The following TENM2 variants were observed in gnomAD, a reference collection of about 807,000 sequenced individuals.
The protein encoded by TENM2 is teneurin-2.
In TENM2, 52 loss-of-function variants were observed where a neutral mutation model predicts 245.2. The observed-to-expected ratio is 0.21, with a 90% CI of 0.17 to 0.27. TENM2 has a LOEUF of 0.27. Among genes scored for constraint, TENM2 ranks in the 10% least tolerant of loss-of-function variants. TENM2 has a pLI of 1.00. For missense variants in TENM2, 3,046 were observed against 3,666.8 expected, an observed-to-expected ratio of 0.83 and a Z score of 4.37; for synonymous variants, 1,363 against 1,438.9, an observed-to-expected ratio of 0.95 and a Z score of 1.19.
At chr5:167,287,608 G>C (rs997073891) in intron 1 of TENM2, 1 of 152,206 alleles carries the variant, frequency 6.6e-6, no homozygotes, top group Admixed American at 6.5e-5. Flanking sequence ...AGTTACCCCA[G>C]CTGGCCCATT....
chr5:167,755,197 G>C, intron 2 of TENM2: 1 of 1,596,226 alleles, frequency 6.3e-7, no homozygotes, highest in African/African-American at 1.3e-5. Flanking sequence ...CTCTGGGTAA[G>C]GATGATGGAT....
At chr5:168,250,104 GTGGATGGATGGATGGA>G (rs57452450) in intron 27 of TENM2, among the ~76,000 whole-genome samples, 23,036 of 137,734 alleles carry the variant, frequency 0.17, 2,900 homozygotes, top group African/African-American at 0.36. Context: ...GGCTGGATGA[GTGGATGGATGGATGGA>G]TGGATGGATG....
Position 168,247,817 on chromosome 5 carries a change from C to T in TENM2, c.6878C>T (p.Ala2293Val). 1 of 1,613,988 alleles carries T rather than the reference C, an allele frequency of 6.2e-7. No homozygotes were observed. Among genetic ancestry groups the T allele is most frequent in the South Asian group, 1.1e-5 (1 of 91,082 alleles). ...CTCCTAACAAGAGCCTACAACAAGG[C>T]CAGCGGGTGGAGTGTCCAGTACCGC... The change falls in exon 27 of 29, where the codon GCC becomes GTC. Residue 2293 changes from alanine (A) to valine (V), a missense_variant. This residue lies in a region of TENM2 where 2,704 missense variants were observed against 3,331.9 expected (regional missense o/e 0.81). Coordinates refer to ENST00000518659, the Ensembl canonical transcript of TENM2. This position sits in a 1 kb window ranked among gnomAD's most constrained non-coding sequence, Gnocchi z 7.8.
chr5:167,311,999 A>C (rs1213124318), intron 1 of TENM2, among the ~76,000 whole-genome samples: 1 of 152,200 alleles, frequency 6.6e-6, no homozygotes, highest in Admixed American at 6.5e-5. Context: ...ACTATCCCTT[A>C]AACCTCAATT....
intron 7 of TENM2, among the ~76,000 whole-genome samples, chr5:168,065,208 T>C (rs954109525): frequency 6.6e-6 from 1 of 152,178 alleles, no homozygotes; most frequent in African/African-American, 2.4e-5. Context: ...TACCATGCTC[T>C]GACCAAGAGC....
At chr5:167,537,776 A>G (rs1771944391) in intron 2 of TENM2, among the ~76,000 whole-genome samples, 1 of 152,228 alleles carries the variant, frequency 6.6e-6, no homozygotes, top group Non-Finnish European at 1.5e-5. Context: ...CGTGGGTATC[A>G]TTAGCTTGAA....
At position 168,094,983 on chromosome 5, in the gene TENM2, C is replaced by T. The variant is rs143394950; in HGVS notation, c.1712-3043C>T. Among the ~76,000 whole-genome samples the T allele has an allele frequency of 7.8e-3, 1,180 of 151,596 alleles. 20 individuals are homozygous for T. The highest frequency in any genetic ancestry group is 0.027 in the African/African-American group (1,123 of 41,340). On this transcript the variant is annotated intron_variant, in intron 8 of 28. Coordinates refer to ENST00000518659, the Ensembl canonical transcript of TENM2. ...TTGTATGCTCCTTGTGAGAATCTAA[C>T]GCCTGATGATCTGTCACTGTCTCCC...
At chr5:167,388,937 C>A (rs982611926) in intron 2 of TENM2, among the ~76,000 whole-genome samples, 1 of 151,838 alleles carries the variant, frequency 6.6e-6, no homozygotes, top group Non-Finnish European at 1.5e-5. Context: ...CTCATTCTCC[C>A]TTATGTTATC....
intron 2 of TENM2, among the ~76,000 whole-genome samples, chr5:167,826,348 A>G (rs1412307527): frequency 6.6e-6 from 1 of 152,164 alleles, no homozygotes; most frequent in African/African-American, 2.4e-5. Context: ...TTGGCCAGAA[A>G]TTCAAATGGA....
the TENM2 span, among the ~76,000 whole-genome samples, chr5:167,131,808 T>C: frequency 6.6e-6 from 1 of 151,964 alleles, no homozygotes; most frequent in Non-Finnish European, 1.5e-5. Context: ...GTGTTTTTTA[T>C]TTGTTTGTTT....
intron 2 of TENM2, among the ~76,000 whole-genome samples, chr5:167,476,192 C>T (rs1002993145): frequency 2.6e-5 from 4 of 152,046 alleles, no homozygotes; most frequent in South Asian, 2.1e-4. Flanking sequence ...TATTCTTATT[C>T]GGTCTTACAA....
At chr5:168,146,487 C>T (rs1223282816) in intron 12 of TENM2, among the ~76,000 whole-genome samples, 1 of 152,178 alleles carries the variant, frequency 6.6e-6, no homozygotes, top group African/African-American at 2.4e-5. Flanking sequence ...CTTTATCGCC[C>T]CTGCCTGCTG....
rs1332802584 is a variant in TENM2 at position 167,869,595 on chromosome 5, G to A, written c.503-6391G>A. 1.3e-4 allele frequency among the ~76,000 whole-genome samples: 20 copies of A among 152,356 alleles called. No homozygotes were observed. In the South Asian group the frequency reaches 3.1e-3, roughly 24 times the overall value. On this transcript the variant is annotated intron_variant, in intron 2 of 28. Transcript: ENST00000518659. ...CCACTTTTCCAGTGGTGGTGAATGCGATGAGATGGAGACAGAGAGTCTAGC... is the reference window on the plus strand; with the variant it reads ...CCACTTTTCCAGTGGTGGTGAATGCAATGAGATGGAGACAGAGAGTCTAGC...
chr5:167,663,178 G>GAGAGAGAGAA (rs1344815193), intron 2 of TENM2, among the ~76,000 whole-genome samples: 70 of 139,146 alleles, frequency 5.0e-4, no homozygotes, highest in African/African-American at 2.0e-3. Context: ...GAGAGAGAGA[G>GAGAGAGAGAA]AGAGAGAGAA....
the TENM2 span, among the ~76,000 whole-genome samples, chr5:167,158,219 A>G: frequency 6.6e-6 from 1 of 152,204 alleles, no homozygotes; most frequent in Admixed American, 6.5e-5. Context: ...ACTGAATAAA[A>G]CAAATGTGCA....
intron 2 of TENM2, among the ~76,000 whole-genome samples, chr5:167,746,708 A>AGAGAGAGAGAGAGAGAGC: frequency 6.7e-6 from 1 of 149,912 alleles, no homozygotes; most frequent in African/African-American, 2.5e-5. Flanking sequence ...AGAGAGAGAG[A>AGAGAGAGAGAGAGAGAGC]GAGAGAGCTG....
chr5:167,041,412 C>T, the TENM2 span, among the ~76,000 whole-genome samples: 2 of 152,168 alleles, frequency 1.3e-5, no homozygotes, highest in East Asian at 1.9e-4. Flanking sequence ...CTGCTACTCT[C>T]CTCTGGACTT....
intron 20 of TENM2, among the ~76,000 whole-genome samples, chr5:168,213,216 T>C (rs1762919476): frequency 6.6e-6 from 1 of 152,184 alleles, no homozygotes; most frequent in African/African-American, 2.4e-5. Flanking sequence ...AACCAGGTAG[T>C]CTACGCTTTA....
the TENM2 span, among the ~76,000 whole-genome samples, chr5:167,044,311 C>A: frequency 6.6e-6 from 1 of 152,118 alleles, no homozygotes; most frequent in African/African-American, 2.4e-5. Flanking sequence ...ATGATGGCTC[C>A]AGCATCTTGA....
Sources: allele counts gnomAD v4.1 joint callset (sites outside exome capture counted in the v4.1 genomes callset), GRCh38; gene constraint gnomAD v4.1.1; regional missense constraint gnomAD v4.1.1; non-coding constraint Gnocchi (gnomAD v3.1); transcripts MANE v1.5; gene names NCBI Gene and HGNC (gene_info 2026-07-23, HGNC 2026-07-21).